PGM1: variants seen among roughly 807,000 people sequenced by gnomAD.
The protein encoded by PGM1 is phosphoglucomutase-1.
Under a neutral mutation model 55.6 loss-of-function variants are expected in PGM1, and 52 were observed. The observed-to-expected ratio is 0.94, with a 90% CI of 0.75 to 1.18. The LOEUF (loss-of-function observed/expected upper bound fraction) is 1.18. Ranked by LOEUF, PGM1 falls within the 50% of genes most tolerant of loss-of-function variation. The pLI, the probability that PGM1 is intolerant of heterozygous loss-of-function variation, is 0.00. For synonymous variants in PGM1, 287 were observed against 271.7 expected (o/e 1.06, Z -0.55); for missense variants, 724 against 729.3 (o/e 0.99, Z 0.08).
At chr1:63,621,779 C>T (rs995983414) in intron 1 of PGM1, among the ~76,000 whole-genome samples, 3 of 152,086 alleles carry the variant, frequency 2.0e-5, no homozygotes, top group African/African-American at 2.4e-5. Flanking sequence ...TGTTATGTCT[C>T]GAGGTATTTC....
chr1:63,641,510 A>T (rs1041964856), intron 7 of PGM1, among the ~76,000 whole-genome samples: 1 of 152,188 alleles, frequency 6.6e-6, no homozygotes. Context: ...CAGGGTAGAC[A>T]TTAGTGACTC....
At chr1:63,599,416 G>A (rs913468722) in intron 1 of PGM1, among the ~76,000 whole-genome samples, 1 of 151,772 alleles carries the variant, frequency 6.6e-6, no homozygotes, top group Non-Finnish European at 1.5e-5. Flanking sequence ...CGCCCGCCTC[G>A]GCCTCACAAA....
chr1:63,641,580 G>C (rs1321718068), intron 7 of PGM1, among the ~76,000 whole-genome samples: 1 of 152,162 alleles, frequency 6.6e-6, no homozygotes, highest in African/African-American at 2.4e-5. Flanking sequence ...CTTTATTTCT[G>C]TATTTTTCCA....
At chr1:63,640,475 C>A (rs1359911890) in intron 7 of PGM1, among the ~76,000 whole-genome samples, 1 of 152,118 alleles carries the variant, frequency 6.6e-6, no homozygotes, top group Non-Finnish European at 1.5e-5. Flanking sequence ...TACAGTTTTG[C>A]CTAAATATAG....
At chr1:63,597,395 A>G (rs952140446) in intron 1 of PGM1, among the ~76,000 whole-genome samples, 7 of 152,218 alleles carry the variant, frequency 4.6e-5, no homozygotes, top group African/African-American at 1.4e-4. Context: ...TGAGGATTAG[A>G]TGAAACAACA....
intron 1 of PGM1, among the ~76,000 whole-genome samples, chr1:63,610,907 T>C (rs1648547296): frequency 6.6e-6 from 1 of 152,160 alleles, no homozygotes; most frequent in Admixed American, 6.5e-5. Flanking sequence ...GCTTAAGTAC[T>C]GGTTACGGTG....
rs182219674 is a variant in PGM1, at chr1:63,608,195, A to G, written c.246+14461A>G. On this transcript the variant is annotated intron_variant, in intron 1 of 10. Transcript: ENST00000371084. The stretch of plus-strand genomic sequence containing the variant: ...ACTGTATTTTATACTGTTCAAGCAC[A>G]TTGACCTGTAGAGAGGAGCTTAAGA... Among the ~76,000 whole-genome samples the G allele has an allele frequency of 2.6e-3, 389 of 152,336 alleles. 4 individuals carry two copies. The highest frequency in any genetic ancestry group is 3.2e-3 in the Non-Finnish European group (218 of 68,034).
chr1:63,598,278 A>G (rs1648140501), intron 1 of PGM1, among the ~76,000 whole-genome samples: 1 of 152,210 alleles, frequency 6.6e-6, no homozygotes, highest in Non-Finnish European at 1.5e-5. Flanking sequence ...CGTGCCGGGC[A>G]GAGTATTTTT....
chr1:63,630,215 G>A (rs561103220), intron 3 of PGM1, 127 bp downstream of exon 3: 2 of 993,582 alleles, frequency 2.0e-6, no homozygotes, highest in East Asian at 2.4e-5. Flanking sequence ...AGCTTTGCAA[G>A]TGTTAGTTAA....
chr1:63,626,920 A>G (rs1473005446), intron 1 of PGM1, among the ~76,000 whole-genome samples: 1 of 151,846 alleles, frequency 6.6e-6, no homozygotes, highest in Non-Finnish European at 1.5e-5. Flanking sequence ...TTGTGTTTCT[A>G]TGGTGTTGAC....
chr1:63,611,522 G>T (rs1648564767), intron 1 of PGM1, among the ~76,000 whole-genome samples: 1 of 152,096 alleles, frequency 6.6e-6, no homozygotes, highest in African/African-American at 2.4e-5. Context: ...ATAAGACCCA[G>T]TCTGGGAATT....
chr1:63,614,303 A>T (rs908539407), intron 1 of PGM1, among the ~76,000 whole-genome samples: 3 of 152,198 alleles, frequency 2.0e-5, no homozygotes, highest in Admixed American at 6.5e-5. Flanking sequence ...CTATTCCTCA[A>T]GACCCTTTTT....
chr1:63,627,065 CCA>C (rs66609334), intron 1 of PGM1, among the ~76,000 whole-genome samples: 1,903 of 97,522 alleles, frequency 0.02, 32 homozygotes, highest in East Asian at 0.043. Flanking sequence ...CCCCCCCCCC[CCA>C]CACACACACA....
chr1:63,624,479 G>A (rs1055209850), intron 1 of PGM1, among the ~76,000 whole-genome samples: 26 of 152,214 alleles, frequency 1.7e-4, no homozygotes, highest in African/African-American at 5.5e-4. Flanking sequence ...TATTGTACCA[G>A]AACGCATTGA....
In PGM1 at chr1:63,636,325, A is replaced by T. The variant is rs778590585; in HGVS notation, c.965A>T (p.Tyr322Phe). ...GCTGCCAACATCTTCAGCATTCCGT[A>T]TTTCCAGCAGACTGGGGTCCGCGGC... ...VIAANIFSIP[Y>F]FQQTGVRGFA... Residue 322 changes from tyrosine (Y) to phenylalanine (F), a missense_variant, in exon 6 of 11, where the codon TAT (tyrosine) becomes TTT (phenylalanine). By Grantham distance (22) the Tyr-to-Phe change is conservative. Transcript: ENST00000371084. 2 of 1,614,092 alleles carry T rather than the reference A, an allele frequency of 1.2e-6. No individual in the cohort carries two copies. Among genetic ancestry groups the T allele is most frequent in the South Asian group, 2.2e-5 (2 of 91,068 alleles).
intron 7 of PGM1, 144 bp downstream of exon 7, chr1:63,638,944 G>GA: frequency 1.4e-6 from 1 of 733,986 alleles, no homozygotes; most frequent in Non-Finnish European, 2.5e-6. Flanking sequence ...CAACCCTGAT[G>GA]AAATGTGCAC....
rs948326478 is a variant in PGM1, at chr1:63,659,063, G to A, written c.1600-523G>A. Among the ~76,000 whole-genome samples, 5 of 152,078 alleles carry A rather than the reference G, an allele frequency of 3.3e-5. No individual in the cohort carries two copies. Among genetic ancestry groups the A allele is most frequent in the Admixed American group, 1.3e-4 (2 of 15,278 alleles). On this transcript the variant is annotated intron_variant, in intron 10 of 10. Transcript: ENST00000371084. ...CCCCATGATTCAATCATCTCCCACC[G>A]GGTCCCTCCCACAACACTTGGGAAT...
At position 63,654,410 on chromosome 1, in the gene PGM1, C is replaced by A; in HGVS notation, c.1543C>A (p.Arg515=). ...SGTGSAGATI[R]LYIDSYEKDV... ...CACTGGGAGTGCCGGGGCCACCATT[C>A]GGCTGTACATCGATAGCTATGAGAA... Residue 515 remains arginine, a synonymous_variant, in exon 10 of 11, where the codon CGG becomes AGG. Transcript: ENST00000371084. The A allele has an allele frequency of 3.1e-6, 5 of 1,614,018 alleles. No individual in the cohort carries two copies. The highest frequency in any genetic ancestry group is 4.2e-6 in the Non-Finnish European group (5 of 1,179,926).
chr1:63,659,791 C>G lies in PGM1; in HGVS notation c.*116C>G, dbSNP rs1419467247. The G allele has an allele frequency of 1.3e-6, 1 of 792,144 alleles. No homozygotes were observed. Among genetic ancestry groups the G allele is most frequent in the African/African-American group, 1.7e-5 (1 of 58,842 alleles). The allele number at this position is 792,144 out of a possible 1,614,324, so 49.1% of individuals were successfully genotyped here. On this transcript the variant is annotated 3_prime_UTR_variant, in exon 11 of 11. Coordinates refer to ENST00000371084, the MANE Select transcript of PGM1 (RefSeq NM_002633.3). ...CAAGCATTTTAGGATTTGACTTTTT[C>G]ACTAACCAGTTGACGAGCAGTGCAT...
Sources: gnomAD v4.1 joint callset for allele counts (sites outside exome capture counted in the v4.1 genomes callset) on GRCh38, gnomAD v4.1.1 for gene constraint, MANE v1.5 for transcripts, NCBI Gene and HGNC (gene_info 2026-07-23, HGNC 2026-07-21) for gene names.